Variants in MAGED1 observed in about 807,000 individuals in gnomAD.
MAGED1 encodes the protein melanoma-associated antigen D1.
A neutral mutation model predicts 54.1 loss-of-function variants in MAGED1; 3 were observed. The ratio of observed to expected loss-of-function variants is 0.06; its 90% confidence interval spans 0.03 to 0.14. The LOEUF (loss-of-function observed/expected upper bound fraction) is 0.14. Ranked by LOEUF, MAGED1 falls within the 10% of genes least tolerant of loss-of-function variation. The probability of loss-of-function intolerance (pLI) is 1.00; values close to 1 mark genes in which losing one functional copy is unlikely to be tolerated. For missense variants in MAGED1, 485 were observed against 623.4 expected (o/e 0.78, Z 2.36); for synonymous variants, 217 against 227.3 (o/e 0.95, Z 0.41).
At chrX:51,811,286 T>A (rs978591483) in intron 1 of MAGED1, among the ~76,000 whole-genome samples, 1 of 112,163 alleles carries the variant, frequency 8.9e-6, no homozygotes, top group African/African-American at 3.2e-5. Context: ...TACAGCCCCT[T>A]ACATACTCAC....
Position 51,825,075 on chromosome X carries a change from A to G in MAGED1, c.-37+21958A>G, listed in dbSNP as rs146244911. Among the ~76,000 whole-genome samples the G allele has an allele frequency of 3.6e-5, 4 of 110,795 alleles. No homozygotes were observed. The East Asian group carries it at 1.1e-3, about 31-fold the overall frequency. On this transcript the variant is annotated intron_variant, in intron 1 of 12. Transcript: ENST00000375772. ...GCTTATCAAAGAAAGACATATGTCTATGAGGTGGCAGTATCACACACAAGC... is the reference window on the plus strand; with the variant it reads ...GCTTATCAAAGAAAGACATATGTCTGTGAGGTGGCAGTATCACACACAAGC...
At chrX:51,813,827 G>A (rs2146951285) in intron 1 of MAGED1, among the ~76,000 whole-genome samples, 1 of 111,898 alleles carries the variant, frequency 8.9e-6, no homozygotes, top group South Asian at 3.8e-4. Context: ...TGCAAGGGTA[G>A]CTAGTTTTTT....
chrX:51,830,597 T>C (rs1374268457), intron 1 of MAGED1, among the ~76,000 whole-genome samples: 1 of 107,973 alleles, frequency 9.3e-6, no homozygotes, highest in Non-Finnish European at 1.9e-5. Context: ...TGCAGAAATC[T>C]GGAGGAGAAA....
rs1453036943 is a variant in MAGED1 at position 51,841,167 on chromosome X, G to T, written c.-37+38050G>T. 8.3e-5 allele frequency among the ~76,000 whole-genome samples: 9 copies of T among 108,727 alleles called. No homozygotes were observed. The South Asian group carries it at 2.9e-3, about 35-fold the overall frequency. The allele number at this position is 108,727 out of a possible 115,157, so 94.4% of individuals were successfully genotyped here. A position where few individuals can be genotyped will look rare whatever the true frequency, so the allele number is the denominator to read the frequency against. ...TGGTATCTCATTGTGGTTTTGATTT[G>T]CATTTCTCTGATGGCCAGTGATGAT... On this transcript the variant is annotated intron_variant, in intron 1 of 12. Coordinates refer to the MAGED1 transcript ENST00000375772.
chrX:51,887,798 T>G (rs1164715118), intron 1 of MAGED1, among the ~76,000 whole-genome samples: 2 of 110,228 alleles, frequency 1.8e-5, no homozygotes, highest in African/African-American at 6.6e-5. Flanking sequence ...GTACTAGGGC[T>G]TGTTGAAGAG....
At chrX:51,893,506 G>A (rs60884260), upstream of MAGED1, 863 of 113,992 alleles carry the variant, frequency 7.6e-3, 20 homozygotes, top group East Asian at 0.11. Context: ...ATGGTCTCCA[G>A]GACGAAGCTT....
In MAGED1 at chrX:51,901,878, G is replaced by A. The variant is rs1557365024; in HGVS notation, c.2285G>A (p.Ser762Asn). 8.3e-7 allele frequency: 1 copy of A among 1,210,572 alleles called. No individual in the cohort carries two copies. The highest frequency in any genetic ancestry group is 1.1e-6 in the Non-Finnish European group (1 of 895,123). Reference protein sequence around the residue: ...GPIIGPGGTASANFAANFGAI... With the variant: ...GPIIGPGGTANANFAANFGAI... ...ATTATTGGTCCTGGTGGTACAGCCA[G>A]TGCCAACTTCGCTGCCAACTTTGGT... Residue 762 changes from serine to asparagine, a missense_variant, in exon 12 of 13, where the codon AGT becomes AAT. Physicochemically the swap from Ser to Asn is conservative, Grantham distance 46 (BLOSUM62 1). Coordinates refer to ENST00000326587, the MANE Select transcript of MAGED1 (RefSeq NM_006986.4).
chrX:51,851,139 G>A (rs150045054), intron 1 of MAGED1, among the ~76,000 whole-genome samples: 2,137 of 111,558 alleles, frequency 0.019, 61 homozygotes, highest in African/African-American at 0.066. Flanking sequence ...CTTTGTGGAT[G>A]GACCTTAGGC....
At chrX:51,808,687 C>T (rs1925113354) in intron 1 of MAGED1, among the ~76,000 whole-genome samples, 1 of 109,731 alleles carries the variant, frequency 9.1e-6, no homozygotes, top group Non-Finnish European at 1.9e-5. Context: ...CCAGCCTGGG[C>T]GACAGAGTGA....
At chrX:51,825,624 C>A (rs1557356922) in intron 1 of MAGED1, among the ~76,000 whole-genome samples, 3 of 111,813 alleles carry the variant, frequency 2.7e-5, no homozygotes, top group Non-Finnish European at 5.6e-5. Context: ...CTGTATACAT[C>A]TTGGGGCATG....
At chrX:51,806,952 T>C (rs1925056453) in intron 1 of MAGED1, among the ~76,000 whole-genome samples, 1 of 110,264 alleles carries the variant, frequency 9.1e-6, no homozygotes, top group Non-Finnish European at 1.9e-5. Flanking sequence ...TACGCCCAGC[T>C]AATTTTTTGT....
Position 51,895,407 on chromosome X carries a change from A to G in MAGED1, c.400A>G (p.Thr134Ala). The G allele has an allele frequency of 8.3e-7, 1 of 1,206,468 alleles. No individual in the cohort carries two copies. The highest frequency in any genetic ancestry group is 1.1e-6 in the Non-Finnish European group (1 of 892,580). ...CTATGATTTTTCCCAGGCAGCAACC[A>G]CTGGTGAGTTAGCTGCTAACAAGTC... is the stretch of plus-strand genomic sequence containing the variant. ...AAYDFSQAAT[T>A]GELAANKSEM... is the part of the protein sequence containing the mutation. Residue 134 changes from threonine to alanine, a missense_variant, in exon 3 of 13, where the codon ACT becomes GCT. Thr to Ala is a moderately conservative substitution (Grantham distance 58). Around this residue, in one of 2 missense-constraint regions of MAGED1, gnomAD observed 299 missense variants for 293.1 expected, o/e 1.02. Coordinates refer to ENST00000326587, the MANE Select transcript of MAGED1 (RefSeq NM_006986.4).
At chrX:51,812,428 G>A (rs1317414949) in intron 1 of MAGED1, among the ~76,000 whole-genome samples, 1 of 111,346 alleles carries the variant, frequency 9.0e-6, no homozygotes, top group Non-Finnish European at 1.9e-5. Flanking sequence ...CATTCTCCCA[G>A]CCCATGGCAA....
At chrX:51,860,880 G>A (rs1557360606) in intron 1 of MAGED1, among the ~76,000 whole-genome samples, 2 of 110,874 alleles carry the variant, frequency 1.8e-5, no homozygotes, top group African/African-American at 6.6e-5. Flanking sequence ...GCCCTCTTGT[G>A]GCAAGCTGAG....
chrX:51,828,425 ACTTT>A (rs1253753546), intron 1 of MAGED1, among the ~76,000 whole-genome samples: 3 of 110,744 alleles, frequency 2.7e-5, no homozygotes, highest in Non-Finnish European at 3.8e-5. Flanking sequence ...TTTTTCTCTG[ACTTT>A]CTTTATGAAG....
chrX:51,828,382 G>T (rs1363432755), intron 1 of MAGED1, among the ~76,000 whole-genome samples: 1 of 110,871 alleles, frequency 9.0e-6, no homozygotes, highest in Non-Finnish European at 1.9e-5. Context: ...GATTGATTAA[G>T]AAAAATAAAA....
intron 1 of MAGED1, among the ~76,000 whole-genome samples, chrX:51,828,261 C>T (rs1666767802): frequency 9.0e-6 from 1 of 111,420 alleles, no homozygotes; most frequent in Non-Finnish European, 1.9e-5. Flanking sequence ...AGTTATCCCC[C>T]GTTTCTCCCT....
intron 1 of MAGED1, among the ~76,000 whole-genome samples, chrX:51,849,169 T>C (rs1926798345): frequency 9.0e-6 from 1 of 111,280 alleles, no homozygotes; most frequent in African/African-American, 3.3e-5. Flanking sequence ...TCCAGGACTA[T>C]TAATTATTCT....
chrX:51,869,644 G>A (rs1402074705), intron 1 of MAGED1, among the ~76,000 whole-genome samples: 1 of 110,728 alleles, frequency 9.0e-6, no homozygotes, highest in Non-Finnish European at 1.9e-5. Context: ...CGAGGCAGGC[G>A]AATCGCTTGA....
Sources: gnomAD v4.1 joint callset for allele counts (sites outside exome capture counted in the v4.1 genomes callset) on GRCh38, gnomAD v4.1.1 for gene constraint, gnomAD v4.1.1 regional missense constraint, MANE v1.5 for transcripts, NCBI Gene and HGNC (gene_info 2026-07-23, HGNC 2026-07-21) for gene names.